ELN: variants seen among roughly 807,000 people sequenced by gnomAD.
ELN encodes the protein elastin.
A neutral mutation model predicts 105.8 loss-of-function variants in ELN; 65 were observed. The ratio of observed to expected loss-of-function variants is 0.61; its 90% confidence interval spans 0.50 to 0.75. The LOEUF is 0.75. ELN is among the 30% of genes least tolerant of loss of function. ELN has a pLI of 0.00. For synonymous variants in ELN, 368 were observed against 389.2 expected, an observed-to-expected ratio of 0.95 and a Z score of 0.64; for missense variants, 882 against 969.4, an observed-to-expected ratio of 0.91 and a Z score of 1.20.
intron 9 of ELN, 38 bp downstream of exon 9, chr7:74,043,958 A>G: frequency 6.2e-7 from 1 of 1,613,402 alleles, no homozygotes; most frequent in Non-Finnish European, 8.5e-7. Context: ...CTATAGGAAG[A>G]AAGCAGCCAG....
rs782499904 is a variant in ELN at position 74,063,700 on chromosome 7, G to C, written c.1993+5G>C. On this transcript the variant is annotated splice_donor_5th_base_variant and intron_variant, in intron 29 of 32. Coordinates refer to ENST00000252034, the MANE Select transcript of ELN (RefSeq NM_000501.4). This position sits in a 1 kb window ranked among gnomAD's most constrained non-coding sequence, Gnocchi z 4.1. ...CAGGTGTTGGGGGCCTTGGAGGTGA[G>C]AGTTGTTCTGAAATCAGTGAGTGTG... The C allele has an allele frequency of 7.4e-6, 12 of 1,614,194 alleles. 1 individual carries two copies. Among genetic ancestry groups the C allele is most frequent in the Middle Eastern group, 1.6e-4 (1 of 6,062 alleles).
intron 30 of ELN, 59 bp downstream of exon 30, chr7:74,065,791 C>G: frequency 6.2e-7 from 1 of 1,612,330 alleles, no homozygotes; most frequent in Non-Finnish European, 8.5e-7. Context: ...ATGCCCATCG[C>G]CACCCTCCCC....
At chr7:74,046,656 G>A (rs376229807) in intron 11 of ELN, 40 bp from the exon 12 acceptor site, 2 of 1,610,252 alleles carry the variant, frequency 1.2e-6, no homozygotes, top group Admixed American at 1.7e-5. Flanking sequence ...GGTTTGGAAG[G>A]GGGTGCTGGG....
chr7:74,050,545 GCATC>G (rs1554675458), intron 15 of ELN, among the ~76,000 whole-genome samples: 1 of 128,530 alleles, frequency 7.8e-6, no homozygotes, highest in Non-Finnish European at 1.7e-5. Context: ...CTCCATGCAT[GCATC>G]CATCCATCCA....
intron 29 of ELN, among the ~76,000 whole-genome samples, chr7:74,064,270 C>G (rs1290809991): frequency 2.6e-5 from 4 of 151,680 alleles, no homozygotes; most frequent in African/African-American, 9.7e-5. Flanking sequence ...AAAAAATTAG[C>G]TGGGCGTGGT....
At chr7:74,047,138 A>G (rs1274015891) in intron 12 of ELN, among the ~76,000 whole-genome samples, 1 of 152,182 alleles carries the variant, frequency 6.6e-6, no homozygotes, top group African/African-American at 2.4e-5. Flanking sequence ...CTCCCTGCAC[A>G]GAAGTCAGCC....
At chr7:74,067,711 C>T (rs750237103) in intron 32 of ELN, among the ~76,000 whole-genome samples, 71 of 149,210 alleles carry the variant, frequency 4.8e-4, no homozygotes, top group Non-Finnish European at 9.3e-4. Flanking sequence ...TGCAGTGAGC[C>T]GAGATTGCGC....
intron 1 of ELN, among the ~76,000 whole-genome samples, chr7:74,030,428 G>A (rs1222981987): frequency 2.7e-5 from 4 of 150,812 alleles, no homozygotes; most frequent in Admixed American, 1.3e-4. Flanking sequence ...TTAACCCAGG[G>A]ATAATTCTTC....
At chr7:74,037,192 T>G (rs1790162752) in intron 3 of ELN, among the ~76,000 whole-genome samples, 1 of 148,654 alleles carries the variant, frequency 6.7e-6, no homozygotes, top group Admixed American at 6.7e-5. Flanking sequence ...GCAGGCACCA[T>G]CTTCTTTTTT....
Position 74,057,641 on chromosome 7 carries a change from A to T in ELN, c.1359A>T (p.Gly453=). 5 of 1,614,002 alleles carry T rather than the reference A, an allele frequency of 3.1e-6. No homozygotes were observed. Among genetic ancestry groups the T allele is most frequent in the Non-Finnish European group, 4.2e-6 (5 of 1,180,010 alleles). ...CACCCCTTCTCTTCACACCTCCAGG[A>T]GTGGGGACCCCAGCAGCTGCAGCTG... ...AAAAAKAAKY[G]VGTPAAAAAK... is the part of the protein sequence containing the mutation. Residue 453 remains glycine (G), a splice_region_variant and synonymous_variant, in exon 22 of 33, where the codon GGA becomes GGT. Coordinates refer to ENST00000252034, the MANE Select transcript of ELN (RefSeq NM_000501.4).
At position 74,065,176 on chromosome 7, in the gene ELN, G is replaced by A. The variant is rs189294292; in HGVS notation, c.1994-518G>A. Among the ~76,000 whole-genome samples, 912 of 152,280 alleles carry A rather than the reference G, an allele frequency of 6.0e-3. 8 individuals carry two copies. Among genetic ancestry groups the A allele is most frequent in the Non-Finnish European group, 9.1e-3 (617 of 68,020 alleles). ...AGGCAGGAAGATCACTTGAACCCGGGAGTTCAGGGCTGCAGTGAGCTGTGA... is the reference window on the plus strand; with the variant it reads ...AGGCAGGAAGATCACTTGAACCCGGAAGTTCAGGGCTGCAGTGAGCTGTGA... On this transcript the variant is annotated intron_variant, in intron 29 of 32. Transcript: ENST00000252034.
chr7:74,050,175 ACTC>A (rs1793696247), intron 15 of ELN, among the ~76,000 whole-genome samples: 1 of 139,102 alleles, frequency 7.2e-6, no homozygotes, highest in African/African-American at 2.7e-5. Context: ...CCATCCATCC[ACTC>A]ACCCATCTAT....
At chr7:74,065,569 G>A (rs959677752) in intron 29 of ELN, 125 bp from the exon 30 acceptor site, 25 of 1,144,490 alleles carry the variant, frequency 2.2e-5, no homozygotes, top group South Asian at 1.9e-4. Flanking sequence ...AGCCGGGATC[G>A]CGCCACTGCA....
At chr7:74,035,274 A>C (rs992132506) in intron 1 of ELN, 90 bp from the exon 2 acceptor site, 1 of 1,355,100 alleles carries the variant, frequency 7.4e-7, no homozygotes. Context: ...GGGTTTTGCC[A>C]TTGAAAGTAA....
chr7:74,030,853 C>T (rs1415639014), intron 1 of ELN, among the ~76,000 whole-genome samples: 1 of 152,106 alleles, frequency 6.6e-6, no homozygotes, highest in East Asian at 1.9e-4. Context: ...ACGGTGGGGT[C>T]GCCAGGGCCA....
intron 6 of ELN, 60 bp from the exon 7 acceptor site, chr7:74,042,924 C>T (rs371556007): frequency 1.5e-5 from 24 of 1,612,856 alleles, no homozygotes; most frequent in African/African-American, 5.3e-5. Flanking sequence ...CATGCAGCCC[C>T]GGGCCCTTCT....
Position 74,063,454 on chromosome 7 carries a change from C to G in ELN, c.1918+85C>G. ...GGAGCTTCTGACCAGGCACTGTAGA[C>G]TCAGAGTCCCTGCCCCAGACACCTC... On this transcript the variant is annotated intron_variant, in intron 28 of 32. Transcript: ENST00000252034. This position sits in a 1 kb window ranked among gnomAD's most constrained non-coding sequence, Gnocchi z 4.1. 1 of 1,571,234 alleles carries G rather than the reference C, an allele frequency of 6.4e-7. No homozygotes were observed. The highest frequency in any genetic ancestry group is 8.6e-7 in the Non-Finnish European group (1 of 1,161,770).
intron 1 of ELN, among the ~76,000 whole-genome samples, chr7:74,032,344 G>A (rs545603794): frequency 5.3e-4 from 80 of 152,330 alleles, no homozygotes; most frequent in Non-Finnish European, 8.5e-4. Flanking sequence ...GCCCTGGTGC[G>A]GGGGTAGGAC....
At chr7:74,062,055 T>C (rs1796805955) in intron 26 of ELN, among the ~76,000 whole-genome samples, 1 of 152,242 alleles carries the variant, frequency 6.6e-6, no homozygotes, top group African/African-American at 2.4e-5. Flanking sequence ...CCACAGCCTC[T>C]GCACTTGGCG....
Sources: gnomAD v4.1 joint callset for allele counts (sites outside exome capture counted in the v4.1 genomes callset) on GRCh38, gnomAD v4.1.1 for gene constraint, Gnocchi (gnomAD v3.1) non-coding constraint, MANE v1.5 for transcripts, NCBI Gene and HGNC (gene_info 2026-07-23, HGNC 2026-07-21) for gene names.